The following SHANK2 variants were observed in gnomAD, a reference collection of about 807,000 sequenced individuals.
SHANK2 encodes SH3 and multiple ankyrin repeat domains protein 2.
A neutral mutation model predicts 133.7 loss-of-function variants in SHANK2; 43 were observed. That is an observed-to-expected ratio of 0.32 (90% confidence interval 0.25 to 0.41). The LOEUF (loss-of-function observed/expected upper bound fraction) is 0.41. SHANK2 is among the 10% of genes least tolerant of loss of function. The pLI, the probability that SHANK2 is intolerant of heterozygous loss-of-function variation, is 1.00. For missense variants in SHANK2, 1,994 were observed against 2,235.8 expected (o/e 0.89, Z 2.18); for synonymous variants, 1,017 against 952.8 (o/e 1.07, Z -1.24).
chr11:70,844,982 C>T (rs782446551), intron 11 of SHANK2, among the ~76,000 whole-genome samples: 3 of 151,758 alleles, frequency 2.0e-5, no homozygotes, highest in Non-Finnish European at 2.9e-5. Context: ...GGGTGGATCA[C>T]GAGGTTAGGA....
In SHANK2 at chr11:70,674,557, C is replaced by T. The variant is rs147734349; in HGVS notation, c.1854-12879G>A. ...ACAGACGGGGTTTTGCCATGTTGGCCAGGCTGGTCTCGAACTCCTGACCTC... is the reference window on the plus strand; with the variant it reads ...ACAGACGGGGTTTTGCCATGTTGGCTAGGCTGGTCTCGAACTCCTGACCTC... On this transcript the variant is annotated intron_variant, in intron 15 of 25. Transcript: ENST00000601538. 3.7e-4 allele frequency among the ~76,000 whole-genome samples: 56 copies of T among 152,330 alleles called. No individual in the cohort carries two copies. The East Asian group carries it at 0.01, about 28-fold the overall frequency.
At position 70,879,408 on chromosome 11, in the gene SHANK2, G is replaced by T. The variant is rs181512807; in HGVS notation, c.1174+17093C>A. On this transcript the variant is annotated intron_variant, in intron 11 of 25. Coordinates refer to ENST00000601538, the MANE Select transcript of SHANK2 (RefSeq NM_012309.5). Reference sequence around the variant, plus strand: ...TTCAAGAAAGGACTCTCGATTCTCTGTCTGAATTCGGGCTCAGCTCAAAAG... The same window carrying T: ...TTCAAGAAAGGACTCTCGATTCTCTTTCTGAATTCGGGCTCAGCTCAAAAG... Among the ~76,000 whole-genome samples the T allele has an allele frequency of 1.2e-3, 177 of 152,326 alleles. 2 individuals carry two copies. Among genetic ancestry groups the T allele is most frequent in the Non-Finnish European group, 1.3e-4 (9 of 68,036 alleles).
At chr11:70,728,861 C>T (rs1391730993) in intron 14 of SHANK2, among the ~76,000 whole-genome samples, 1 of 152,178 alleles carries the variant, frequency 6.6e-6, no homozygotes, top group Non-Finnish European at 1.5e-5. Flanking sequence ...AGAAAATGAT[C>T]CTCCCAGTGG....
At chr11:70,478,667 C>G (rs534825033) in intron 25 of SHANK2, among the ~76,000 whole-genome samples, 1 of 152,196 alleles carries the variant, frequency 6.6e-6, no homozygotes, top group South Asian at 2.1e-4. Context: ...TGTTGTGTCT[C>G]AGCAGCTGCC....
intron 2 of SHANK2, among the ~76,000 whole-genome samples, chr11:71,183,855 A>G (rs1261139504): frequency 6.6e-6 from 1 of 152,176 alleles, no homozygotes; most frequent in Non-Finnish European, 1.5e-5. Flanking sequence ...GATGAGGCCA[A>G]GTTTATTGGG....
intron 2 of SHANK2, among the ~76,000 whole-genome samples, chr11:71,219,068 G>T (rs189242190): frequency 1.3e-5 from 2 of 152,296 alleles, no homozygotes; most frequent in East Asian, 1.9e-4. Flanking sequence ...ACACCATCAC[G>T]TGCAATGTCC....
chr11:70,511,007 C>T (rs188028759), intron 17 of SHANK2, among the ~76,000 whole-genome samples: 1 of 152,372 alleles, frequency 6.6e-6, no homozygotes, highest in East Asian at 1.9e-4. Flanking sequence ...GGATGAAGTC[C>T]TTCCCCAAAA....
intron 10 of SHANK2, among the ~76,000 whole-genome samples, chr11:70,945,079 T>C (rs1413970347): frequency 2.6e-5 from 4 of 152,160 alleles, no homozygotes; most frequent in African/African-American, 9.7e-5. Flanking sequence ...ATGACAGCTT[T>C]CCTTTAATGA....
chr11:70,525,575 CT>C (rs1223715182), intron 17 of SHANK2, among the ~76,000 whole-genome samples: 3 of 152,126 alleles, frequency 2.0e-5, no homozygotes, highest in Non-Finnish European at 2.9e-5. Context: ...AAAACAGGCT[CT>C]TTCTTTTGAA....
At chr11:70,540,954 G>C (rs1554975076) in intron 17 of SHANK2, among the ~76,000 whole-genome samples, 1 of 151,280 alleles carries the variant, frequency 6.6e-6, no homozygotes, top group African/African-American at 2.4e-5. Flanking sequence ...TTCCCAAACT[G>C]AGCCTGTCCC....
chr11:70,916,428 A>T (rs1413695361), intron 10 of SHANK2, among the ~76,000 whole-genome samples: 1 of 152,136 alleles, frequency 6.6e-6, no homozygotes, highest in Non-Finnish European at 1.5e-5. Flanking sequence ...AGCTCTTGGC[A>T]CTTCTGAAAT....
At chr11:70,850,076 AT>A (rs1949060778) in intron 11 of SHANK2, among the ~76,000 whole-genome samples, 1 of 152,138 alleles carries the variant, frequency 6.6e-6, no homozygotes. Context: ...TAGGGACCTC[AT>A]ATGAGTAGAC....
chr11:70,855,694 G>C (rs775790758), intron 11 of SHANK2, among the ~76,000 whole-genome samples: 2 of 152,122 alleles, frequency 1.3e-5, no homozygotes, highest in Non-Finnish European at 2.9e-5. Context: ...CCTGGCATGT[G>C]GTAAGCTCAC....
intron 11 of SHANK2, among the ~76,000 whole-genome samples, chr11:70,859,016 G>A (rs1949214749): frequency 6.6e-6 from 1 of 152,236 alleles, no homozygotes; most frequent in Non-Finnish European, 1.5e-5. Context: ...CTGGTGTTGG[G>A]CCTAGAGTCA....
chr11:70,731,427 C>T (rs1198656), intron 14 of SHANK2, among the ~76,000 whole-genome samples: 6,671 of 152,326 alleles, frequency 0.044, 163 homozygotes, highest in African/African-American at 0.06. Flanking sequence ...CCCCCATCTC[C>T]TGGCAACCAC....
intron 15 of SHANK2, among the ~76,000 whole-genome samples, chr11:70,682,243 C>T (rs371748772): frequency 3.3e-5 from 5 of 152,250 alleles, no homozygotes; most frequent in African/African-American, 1.2e-4. Context: ...CTGGGTCCAC[C>T]CCACCCCCGG....
At chr11:70,591,374 AAAAAG>A (rs1453637523) in intron 17 of SHANK2, among the ~76,000 whole-genome samples, 1 of 151,894 alleles carries the variant, frequency 6.6e-6, no homozygotes, top group Non-Finnish European at 1.5e-5. Flanking sequence ...AAAGAAAAAG[AAAAAG>A]AAAAAAAAGA....
chr11:70,859,529 T>C (rs1353281138), intron 11 of SHANK2, among the ~76,000 whole-genome samples: 2 of 151,888 alleles, frequency 1.3e-5, no homozygotes, highest in African/African-American at 2.4e-5. Flanking sequence ...GGTGAGTGGA[T>C]GGATGAATGG....
intron 2 of SHANK2, among the ~76,000 whole-genome samples, chr11:71,157,607 T>C (rs186536116): frequency 2.7e-4 from 41 of 152,332 alleles, no homozygotes; most frequent in Non-Finnish European, 5.9e-5. Flanking sequence ...GGCTTTCTAA[T>C]TGGGCCTCAG....
Sources: allele counts gnomAD v4.1 joint callset (sites outside exome capture counted in the v4.1 genomes callset), GRCh38; gene constraint gnomAD v4.1.1; transcripts MANE v1.5; gene names NCBI Gene and HGNC (gene_info 2026-07-23, HGNC 2026-07-21).